The following GDF1 variants were observed in gnomAD, a reference collection of about 807,000 sequenced individuals.
The protein encoded by GDF1 is embryonic growth/differentiation factor 1.
A neutral mutation model predicts 7.4 loss-of-function variants in GDF1; 8 were observed. The ratio of observed to expected loss-of-function variants is 1.09; its 90% CI spans 0.64 to 1.96. The LOEUF is 1.96. GDF1 is among the 30% of genes most tolerant of loss of function. GDF1 has a pLI of 0.00. For missense variants in GDF1, 574 were observed against 551.5 expected (o/e 1.04, Z -0.41); for synonymous variants, 311 against 276.7 (o/e 1.12, Z -1.23).
intron 4 of GDF1, 37 bp from the exon 5 acceptor site, chr19:18,879,425 G>T (rs113874315): frequency 4.5e-6 from 7 of 1,548,490 alleles, no homozygotes; most frequent in African/African-American, 2.7e-5. Flanking sequence ...TGGGTGGAGG[G>T]GGACGGTGCC....
At chr19:18,893,155 C>T (rs1211105613) in intron 2 of GDF1, among the ~76,000 whole-genome samples, 1 of 152,084 alleles carries the variant, frequency 6.6e-6, no homozygotes. Flanking sequence ...CCTCGTGATC[C>T]ACTCACCTTG....
In GDF1 at chr19:18,868,734, C is replaced by A; in HGVS notation, c.982G>T (p.Ala328Ser). The change falls in exon 8 of 8, where the codon GCC becomes TCC. Residue 328 changes from alanine to serine, a missense_variant. Ala to Ser is a moderately conservative substitution (Grantham distance 99). Coordinates refer to ENST00000247005, the MANE Select transcript of GDF1 (RefSeq NM_001492.6). ...CAGGGCAGGTCGGCGGCTCCCGGGG[C>A]GGCCGCGTGCATGAGCGCGCGCAGC... Reference protein sequence around the residue: ...AVLRALMHAAAPGAADLPCCV... With the variant: ...AVLRALMHAASPGAADLPCCV... 1.3e-6 allele frequency: 2 copies of A among 1,532,476 alleles called. No homozygotes were observed. Among genetic ancestry groups the A allele is most frequent in the Non-Finnish European group, 1.8e-6 (2 of 1,136,004 alleles). The allele number at this position is 1,532,476 out of a possible 1,614,324, so 94.9% of individuals were successfully genotyped here.
chr19:18,895,441 TGGCCGGAGCCATCCACCGCGCGG>T lies in GDF1; in HGVS notation c.-1074+360_-1074+382del, dbSNP rs1325833471. Among the ~76,000 whole-genome samples the T allele has an allele frequency of 1.3e-5, 2 of 151,476 alleles. No individual in the cohort carries two copies. Among genetic ancestry groups the T allele is most frequent in the African/African-American group, 4.9e-5 (2 of 41,196 alleles). ...CGGCCCTGCCGGAAAGAGCGCGCGG[TGGCCGGAGCCATCCACCGCGCGG>T]GGCCCCCTGGTCCCAAACTGACCGG... On this transcript the variant is annotated intron_variant, in intron 1 of 7. Coordinates refer to ENST00000247005, the MANE Select transcript of GDF1 (RefSeq NM_001492.6). The surrounding 1 kb of genome is among the most constrained non-coding windows in gnomAD (Gnocchi z 6.4).
rs1216214886 is a variant in GDF1 at position 18,879,242 on chromosome 19, A to T, written c.-424T>A. The T allele has an allele frequency of 6.8e-6, 11 of 1,613,518 alleles. No individual in the cohort carries two copies. Among genetic ancestry groups the T allele is most frequent in the Non-Finnish European group, 9.3e-6 (11 of 1,179,788 alleles). On this transcript the variant is annotated splice_region_variant and 5_prime_UTR_variant, in exon 5 of 8. Transcript: ENST00000247005. ...GGAGGAGAGCCGGGGCCGACTCACC[A>T]GGAACCAGTAGAGGTTCATAAGGGT...
Position 18,868,906 on chromosome 19 carries a change from C to T in GDF1, c.810G>A (p.Arg270=), listed in dbSNP as rs1369606098. 3 of 1,380,214 alleles carry T rather than the reference C, an allele frequency of 2.2e-6. No homozygotes were observed. The highest frequency in any genetic ancestry group is 2.6e-5 in the South Asian group (2 of 76,488). 85.5% of individuals were successfully genotyped at this position (1,380,214 alleles called of 1,614,324 possible). The change falls in exon 8 of 8, where the codon CGG becomes CGA. Residue 270 remains arginine, a synonymous_variant. Transcript: ENST00000247005. ...CCTCGCGGAAGCTCACGTACAGCCG[C>T]CGCGCGCGACAAGCGCCCCCGGGGC... ...GGGPGGACRA[R]RLYVSFREVG... is the part of the protein sequence containing the mutation.
At chr19:18,880,211 TC>T in intron 4 of GDF1, 62 bp downstream of exon 4, 1 of 1,455,326 alleles carries the variant, frequency 6.9e-7, no homozygotes, top group Non-Finnish European at 9.1e-7. Flanking sequence ...CCGCCCCTTT[TC>T]TGGACACACC....
intron 2 of GDF1, among the ~76,000 whole-genome samples, chr19:18,884,822 T>C (rs2056311391): frequency 6.7e-6 from 1 of 148,340 alleles, no homozygotes; most frequent in Non-Finnish European, 1.5e-5. Context: ...CAAGCAATTC[T>C]CCTGCCTCAG....
At chr19:18,874,309 A>G (rs1568294505) in intron 6 of GDF1, among the ~76,000 whole-genome samples, 1 of 152,068 alleles carries the variant, frequency 6.6e-6, no homozygotes, top group African/African-American at 2.4e-5. Context: ...ACAGTTTTCT[A>G]TTTTTATTTT....
intron 2 of GDF1, among the ~76,000 whole-genome samples, chr19:18,885,519 T>G (rs1386047343): frequency 4.2e-5 from 6 of 144,568 alleles, no homozygotes; most frequent in Admixed American, 1.4e-4. Context: ...TCGTTTTTTT[T>G]TTTTTTTTTT....
At chr19:18,880,049 C>T (rs1288205646) in intron 4 of GDF1, among the ~76,000 whole-genome samples, 1 of 151,918 alleles carries the variant, frequency 6.6e-6, no homozygotes, top group East Asian at 2.0e-4. Flanking sequence ...TCCTTTTCTG[C>T]CCAGCCCCAC....
chr19:18,879,184 C>A (rs2056129372), intron 5 of GDF1, 57 bp downstream of exon 5: 1 of 1,607,910 alleles, frequency 6.2e-7, no homozygotes, highest in African/African-American at 1.3e-5. Flanking sequence ...GAGGAGGGGA[C>A]AGGGATTGGG....
At chr19:18,869,954 CCA>C (rs2055935160) in intron 7 of GDF1, 27 bp downstream of exon 7, 1 of 1,559,692 alleles carries the variant, frequency 6.4e-7, no homozygotes, top group Non-Finnish European at 8.7e-7. Context: ...GCCTCCAGGA[CCA>C]GTGTCCCCAG....
intron 1 of GDF1, among the ~76,000 whole-genome samples, chr19:18,894,802 A>G (rs553612410): frequency 1.1e-4 from 17 of 151,812 alleles, no homozygotes; most frequent in African/African-American, 4.1e-4. Flanking sequence ...CCCATCATCG[A>G]CCTCACAAGG....
At chr19:18,890,898 C>A (rs192197023) in intron 2 of GDF1, among the ~76,000 whole-genome samples, 4 of 148,086 alleles carry the variant, frequency 2.7e-5, no homozygotes, top group Non-Finnish European at 4.5e-5. Flanking sequence ...CTGAGGCGGG[C>A]GGATCACCTG....
intron 2 of GDF1, among the ~76,000 whole-genome samples, chr19:18,892,173 C>CA (rs2056506397): frequency 6.6e-6 from 1 of 151,882 alleles, no homozygotes. Context: ...GCTGGGATAA[C>CA]AGGCGTGAGC....
rs368888491 is a variant in GDF1 at position 18,884,134 on chromosome 19, G to A, written c.-780C>T. 3.1e-6 allele frequency: 5 copies of A among 1,613,402 alleles called. No homozygotes were observed. The South Asian group carries it at 3.3e-5, about 11-fold the overall frequency. On this transcript the variant is annotated 5_prime_UTR_variant, in exon 3 of 8. Coordinates refer to ENST00000247005, the MANE Select transcript of GDF1 (RefSeq NM_001492.6). Reference sequence around the variant, plus strand: ...TGAGGATGAGAGTGACCACGTGGTGGAGCAGCATGACCACCGAGTCCTTGC... The same window carrying A: ...TGAGGATGAGAGTGACCACGTGGTGAAGCAGCATGACCACCGAGTCCTTGC...
chr19:18,868,887 G>C lies in GDF1; in HGVS notation c.829C>G (p.Arg277Gly). 1 of 1,429,900 alleles carries C rather than the reference G, an allele frequency of 7.0e-7. No individual in the cohort carries two copies. The highest frequency in any genetic ancestry group is 9.2e-7 in the Non-Finnish European group (1 of 1,084,120). The allele number at this position is 1,429,900 out of a possible 1,614,324, so 88.6% of individuals were successfully genotyped here. The change falls in exon 8 of 8, where the codon CGC (arginine) becomes GGC (glycine). Residue 277 changes from arginine (R) to glycine (G), a missense_variant. Arg to Gly is a moderately radical substitution (Grantham distance 125). Transcript: ENST00000247005. ...CRARRLYVSFREVGWHRWVIA... is the reference protein window; with the variant it reads ...CRARRLYVSFGEVGWHRWVIA... ...ACCCAGCGGTGCCAGCCCACCTCGC[G>C]GAAGCTCACGTACAGCCGCCGCGCG...
At chr19:18,888,887 T>G (rs1601183565) in intron 2 of GDF1, among the ~76,000 whole-genome samples, 1 of 147,360 alleles carries the variant, frequency 6.8e-6, no homozygotes, top group East Asian at 2.0e-4. Context: ...ATTTCTTTCT[T>G]TCTTTTTTTT....
intron 3 of GDF1, 70 bp from the exon 4 acceptor site, chr19:18,880,505 C>T: frequency 3.5e-6 from 5 of 1,431,550 alleles, no homozygotes; most frequent in Non-Finnish European, 4.7e-6. Context: ...ACTAAGGCCC[C>T]CAGCAGAGTC....
Sources: gnomAD v4.1 joint callset for allele counts (sites outside exome capture counted in the v4.1 genomes callset) on GRCh38, gnomAD v4.1.1 for gene constraint, Gnocchi (gnomAD v3.1) non-coding constraint, MANE v1.5 for transcripts, NCBI Gene and HGNC (gene_info 2026-07-23, HGNC 2026-07-21) for gene names.